Variants in IGSF21 observed in about 807,000 individuals in gnomAD.
IGSF21 encodes the protein immunoglobin superfamily member 21, also known as immunoglobulin superfamily member 21.
In IGSF21, 28 loss-of-function variants were observed where a neutral mutation model predicts 46.8. That is an observed-to-expected ratio of 0.60 (90% CI 0.44 to 0.82). IGSF21 has a LOEUF of 0.82. IGSF21 is among the 40% of genes least tolerant of loss of function. The probability of loss-of-function intolerance (pLI) is 0.00; values close to 1 mark genes in which losing one functional copy is unlikely to be tolerated. For synonymous variants in IGSF21, 284 were observed against 273.6 expected (o/e 1.04, Z -0.38); for missense variants, 624 against 665.5 (o/e 0.94, Z 0.69).
At chr1:18,351,357 C>T (rs892368449) in intron 4 of IGSF21, among the ~76,000 whole-genome samples, 5 of 152,144 alleles carry the variant, frequency 3.3e-5, no homozygotes, top group South Asian at 2.1e-4. Context: ...AAGGACACAC[C>T]GCTTCTAAGC....
chr1:18,154,763 T>G (rs1441555752), intron 1 of IGSF21, among the ~76,000 whole-genome samples: 2 of 151,254 alleles, frequency 1.3e-5, no homozygotes, highest in African/African-American at 4.9e-5. Context: ...ACCAAATTCG[T>G]CCTCTCCTTT....
In IGSF21 at chr1:18,311,245, A is replaced by G. The variant is rs1479826134; in HGVS notation, c.305+19258A>G. Among the ~76,000 whole-genome samples, 4 of 152,056 alleles carry G rather than the reference A, an allele frequency of 2.6e-5. No homozygotes were observed. The East Asian group carries it at 7.7e-4, about 29-fold the overall frequency. On this transcript the variant is annotated intron_variant, in intron 3 of 9. Coordinates refer to ENST00000251296, the MANE Select transcript of IGSF21 (RefSeq NM_032880.5). ...TGCAAGGATGACTCCCTGTTTCTGA[A>G]AGTGTCCACCATGCCTCTCCCCATC...
rs1388777458 is a variant in IGSF21 at position 18,377,008 on chromosome 1, CTG to C, written c.1294+17_1294+18del. ...ATCGTGTTTGGTATGGCGCGCTCAA[CTG>C]GGGACTGGGAGAACAACCACAGGGG... On this transcript the variant is annotated intron_variant, in intron 8 of 9. Coordinates refer to ENST00000251296, the MANE Select transcript of IGSF21 (RefSeq NM_032880.5). 8 of 1,575,860 alleles carry C rather than the reference CTG, an allele frequency of 5.1e-6. No homozygotes were observed. In the Admixed American group the frequency reaches 5.3e-5, roughly 10 times the overall value.
intron 1 of IGSF21, among the ~76,000 whole-genome samples, chr1:18,209,481 G>A (rs1437747383): frequency 6.6e-6 from 1 of 151,472 alleles, no homozygotes; most frequent in African/African-American, 2.4e-5. Flanking sequence ...TTTAGACAGA[G>A]TCTCACTCTG....
chr1:18,136,131 T>A lies in IGSF21; in HGVS notation c.70+27933T>A, dbSNP rs563571099. On this transcript the variant is annotated intron_variant, in intron 1 of 9. Coordinates refer to ENST00000251296, the MANE Select transcript of IGSF21 (RefSeq NM_032880.5). ...GTTGTTTTTTTCTTGTAAATTTGTT[T>A]GAGCTCATTGTAGATTCTGGACATT... Among the ~76,000 whole-genome samples the A allele has an allele frequency of 2.6e-5, 4 of 152,386 alleles. No homozygotes were observed. In the South Asian group the frequency reaches 8.3e-4, roughly 32 times the overall value.
At chr1:18,371,887 C>G (rs2086228481) in intron 6 of IGSF21, among the ~76,000 whole-genome samples, 1 of 152,202 alleles carries the variant, frequency 6.6e-6, no homozygotes, top group East Asian at 1.9e-4. Context: ...GTCTGAATCG[C>G]CCACAAGGTA....
At chr1:18,342,056 T>G (rs74928098) in intron 4 of IGSF21, among the ~76,000 whole-genome samples, 4 of 9,984 alleles carry the variant, frequency 4.0e-4, no homozygotes, top group Non-Finnish European at 1.1e-3. Flanking sequence ...TTTTCCTTGT[T>G]TTTTTTTTTT....
chr1:18,355,829 C>CTTTTTTT (rs61589417), intron 4 of IGSF21, among the ~76,000 whole-genome samples: 1 of 88,966 alleles, frequency 1.1e-5, no homozygotes, highest in Middle Eastern at 6.4e-3. Flanking sequence ...TGTCTAGACT[C>CTTTTTTT]TTTTTTTTTT....
intron 1 of IGSF21, among the ~76,000 whole-genome samples, chr1:18,217,479 A>G (rs1484770495): frequency 6.6e-6 from 1 of 152,252 alleles, no homozygotes; most frequent in African/African-American, 2.4e-5. Context: ...CCCAGCCACA[A>G]GTCTCTTACA....
intron 1 of IGSF21, among the ~76,000 whole-genome samples, chr1:18,169,066 T>C (rs1158601382): frequency 6.6e-6 from 1 of 152,238 alleles, no homozygotes; most frequent in Non-Finnish European, 1.5e-5. Context: ...TATGCTCACC[T>C]AGGAGCACCC....
intron 2 of IGSF21, among the ~76,000 whole-genome samples, chr1:18,278,244 A>AT (rs748317288): frequency 9.0e-5 from 12 of 133,222 alleles, no homozygotes; most frequent in Non-Finnish European, 1.3e-4. Flanking sequence ...TTATTTATTT[A>AT]TTTATTTTAT....
intron 1 of IGSF21, among the ~76,000 whole-genome samples, chr1:18,124,434 A>G (rs1160517005): frequency 2.0e-5 from 3 of 152,204 alleles, no homozygotes; most frequent in Non-Finnish European, 4.4e-5. Context: ...CGCAGCTTGT[A>G]AGTGGCCATG....
At chr1:18,355,201 G>T (rs540506391) in intron 4 of IGSF21, among the ~76,000 whole-genome samples, 1 of 152,266 alleles carries the variant, frequency 6.6e-6, no homozygotes, top group Non-Finnish European at 1.5e-5. Flanking sequence ...ACACAGGTTT[G>T]GGGCAGATTT....
At chr1:18,345,907 C>G (rs572694709) in intron 4 of IGSF21, among the ~76,000 whole-genome samples, 2 of 152,248 alleles carry the variant, frequency 1.3e-5, no homozygotes, top group African/African-American at 2.4e-5. Context: ...TATGCTCCCC[C>G]ACCTCTCACT....
intron 2 of IGSF21, among the ~76,000 whole-genome samples, chr1:18,273,703 A>AT (rs780955652): frequency 2.2e-4 from 33 of 151,022 alleles, no homozygotes; most frequent in Non-Finnish European, 3.4e-4. Context: ...ATACTGGGTG[A>AT]TTTTTTATTG....
At chr1:18,305,442 G>A (rs2085412050) in intron 3 of IGSF21, among the ~76,000 whole-genome samples, 1 of 150,498 alleles carries the variant, frequency 6.6e-6, no homozygotes, top group Admixed American at 6.6e-5. Context: ...GATTATGGAT[G>A]GATGGATGCA....
chr1:18,293,164 A>T (rs532736024), intron 3 of IGSF21, among the ~76,000 whole-genome samples: 1 of 152,290 alleles, frequency 6.6e-6, no homozygotes, highest in African/African-American at 2.4e-5. Flanking sequence ...GAGCTCCAGG[A>T]GGACAAGGCA....
chr1:18,313,861 A>G (rs1013375270), intron 3 of IGSF21, among the ~76,000 whole-genome samples: 1 of 152,180 alleles, frequency 6.6e-6, no homozygotes, highest in Non-Finnish European at 1.5e-5. Flanking sequence ...TGGGACCCAG[A>G]GCCCTGGAAC....
In IGSF21 at chr1:18,334,720, G is replaced by C. The variant is rs547751744; in HGVS notation, c.306-172G>C. On this transcript the variant is annotated intron_variant, in intron 3 of 9. Coordinates refer to ENST00000251296, the MANE Select transcript of IGSF21 (RefSeq NM_032880.5). This position sits in a 1 kb window ranked among gnomAD's most constrained non-coding sequence, Gnocchi z 4.3. ...TTCACTGTCTGAGATGCCGAGCACA[G>C]GGTCTGCATACAGTCGGTGTTCCAT... 6.6e-6 allele frequency among the ~76,000 whole-genome samples: 1 copy of C among 152,188 alleles called. No individual in the cohort carries two copies.
Sources: allele counts gnomAD v4.1 joint callset (sites outside exome capture counted in the v4.1 genomes callset), GRCh38; gene constraint gnomAD v4.1.1; non-coding constraint Gnocchi (gnomAD v3.1); transcripts MANE v1.5; gene names NCBI Gene and HGNC (gene_info 2026-07-23, HGNC 2026-07-21).